The following FANCC variants were observed in gnomAD, a reference collection of about 807,000 sequenced individuals.
The protein encoded by FANCC is Fanconi anemia group C protein.
A neutral mutation model predicts 71.3 loss-of-function variants in FANCC; 55 were observed. The observed-to-expected ratio is 0.77, with a 90% CI of 0.62 to 0.97. FANCC has a LOEUF of 0.97. FANCC is among the 50% of genes least tolerant of loss of function. The probability of loss-of-function intolerance (pLI) is 0.00; values close to 1 mark genes in which losing one functional copy is unlikely to be tolerated. For missense variants in FANCC, 678 were observed against 670.9 expected, an observed-to-expected ratio of 1.01 and a Z score of -0.12; for synonymous variants, 275 against 244.9, an observed-to-expected ratio of 1.12 and a Z score of -1.15.
At chr9:95,292,532 G>C in intron 1 of FANCC, 1 of 1,492,970 alleles carries the variant, frequency 6.7e-7, no homozygotes, top group African/African-American at 1.4e-5. Context: ...TGCTGGCGGG[G>C]GAGCTGATCC....
chr9:95,235,478 G>C (rs1440198911), intron 4 of FANCC, among the ~76,000 whole-genome samples: 1 of 152,180 alleles, frequency 6.6e-6, no homozygotes, highest in Non-Finnish European at 1.5e-5. Flanking sequence ...CATAGGAAAA[G>C]GAAACCAACA....
At chr9:95,311,780 C>T (rs889133915) in intron 1 of FANCC, among the ~76,000 whole-genome samples, 2 of 151,492 alleles carry the variant, frequency 1.3e-5, no homozygotes, top group Admixed American at 6.6e-5. Flanking sequence ...TATGGGTAGT[C>T]ACCAGAGTAA....
intron 4 of FANCC, among the ~76,000 whole-genome samples, chr9:95,230,227 G>A (rs989681888): frequency 2.6e-5 from 4 of 152,182 alleles, no homozygotes; most frequent in Non-Finnish European, 5.9e-5. Context: ...GAGGAGCCAG[G>A]GTTCCGTGCG....
intron 6 of FANCC, 43 bp from the exon 7 acceptor site, chr9:95,150,130 T>C (rs1436330161): frequency 5.0e-6 from 8 of 1,608,206 alleles, no homozygotes; most frequent in Non-Finnish European, 5.1e-6. Flanking sequence ...CTAAGAGCCA[T>C]GCATAATTAA....
chr9:95,224,941 C>T (rs985359264), intron 4 of FANCC, among the ~76,000 whole-genome samples: 1 of 152,140 alleles, frequency 6.6e-6, no homozygotes, highest in Non-Finnish European at 1.5e-5. Flanking sequence ...TTTAAAAGAC[C>T]TGGAAATCAT....
rs1339834569 is a variant in FANCC at position 95,159,079 on chromosome 9, A to G, written c.522-8992T>C. 1.3e-5 allele frequency among the ~76,000 whole-genome samples: 2 copies of G among 152,050 alleles called. 1 individual carries two copies. The highest frequency in any genetic ancestry group is 2.9e-5 in the Non-Finnish European group (2 of 68,000). On this transcript the variant is annotated intron_variant, in intron 6 of 14. Transcript: ENST00000289081. ...TCAAGTTCTAGGGTACACATGCACA[A>G]CGTGCAGGTTTGTTACATAGGTATA...
At chr9:95,199,596 C>T (rs1033537458) in intron 4 of FANCC, among the ~76,000 whole-genome samples, 10 of 152,208 alleles carry the variant, frequency 6.6e-5, no homozygotes, top group Non-Finnish European at 1.3e-4. Context: ...CATCTGAGCA[C>T]CACTGTGTGC....
intron 4 of FANCC, among the ~76,000 whole-genome samples, chr9:95,178,345 T>C (rs773867457): frequency 3.3e-5 from 5 of 152,162 alleles, no homozygotes; most frequent in Non-Finnish European, 7.3e-5. Flanking sequence ...CCCTCAGAAC[T>C]GTCTTGATGA....
At chr9:95,217,476 C>A (rs1828945719) in intron 4 of FANCC, among the ~76,000 whole-genome samples, 2 of 149,532 alleles carry the variant, frequency 1.3e-5, no homozygotes, top group African/African-American at 2.5e-5. Context: ...GGTGAGACTC[C>A]ATCTCAAAAA....
intron 1 of FANCC, chr9:95,294,900 G>A: frequency 2.5e-6 from 3 of 1,188,106 alleles, no homozygotes; most frequent in Non-Finnish European, 2.3e-6. Context: ...TAATTCGATT[G>A]AATGTGGCTG....
chr9:95,129,950 T>C (rs967044107), intron 8 of FANCC, among the ~76,000 whole-genome samples: 1 of 152,150 alleles, frequency 6.6e-6, no homozygotes, highest in South Asian at 2.1e-4. Flanking sequence ...CAGAATTGCA[T>C]TGTTTATCTC....
chr9:95,180,541 G>A lies in FANCC; in HGVS notation c.346-8394C>T, dbSNP rs1016280850. Among the ~76,000 whole-genome samples, 25 of 151,662 alleles carry A rather than the reference G, an allele frequency of 1.6e-4. 1 individual carries two copies. The highest frequency in any genetic ancestry group is 5.8e-4 in the African/African-American group (24 of 41,368). ...TTTTTGTAGAGGTAGGTCTCAGTAT[G>A]TCACTCAGGCTGGTCTCAAACTCCT... On this transcript the variant is annotated intron_variant, in intron 4 of 14. Coordinates refer to ENST00000289081, the MANE Select transcript of FANCC (RefSeq NM_000136.3).
At chr9:95,126,308 A>C (rs1457164106) in intron 9 of FANCC, among the ~76,000 whole-genome samples, 1 of 152,252 alleles carries the variant, frequency 6.6e-6, no homozygotes, top group Non-Finnish European at 1.5e-5. Flanking sequence ...AAAAGGCTAA[A>C]GAAAATAAAG....
At chr9:95,236,106 T>C (rs1194719850) in intron 4 of FANCC, among the ~76,000 whole-genome samples, 1 of 152,172 alleles carries the variant, frequency 6.6e-6, no homozygotes, top group East Asian at 1.9e-4. Context: ...AAAATACAGA[T>C]AGAATACAAC....
Position 95,100,423 on chromosome 9 carries a change from C to G in FANCC, c.*1284G>C, listed in dbSNP as rs1043755172. The G allele has an allele frequency of 4.3e-6, 1 of 231,066 alleles. No individual in the cohort carries two copies. The highest frequency in any genetic ancestry group is 2.2e-5 in the African/African-American group (1 of 45,234). The allele number at this position is 231,066 out of a possible 1,614,324, so 14.3% of individuals were successfully genotyped here. On this transcript the variant is annotated 3_prime_UTR_variant, in exon 15 of 15. Coordinates refer to ENST00000289081, the MANE Select transcript of FANCC (RefSeq NM_000136.3). ...AAGGAATTTCCCTAAAGGTTAACTT[C>G]TAATCCAGCAAAACTTTGCTCATAC...
rs1834087717 is a variant in FANCC, at chr9:95,292,390, G to C, written c.-79+25136C>G. 6.8e-6 allele frequency: 7 copies of C among 1,036,434 alleles called. No homozygotes were observed. The South Asian group carries it at 2.3e-4, about 33-fold the overall frequency. The allele number at this position is 1,036,434 out of a possible 1,614,324, so 64.2% of individuals were successfully genotyped here. On this transcript the variant is annotated intron_variant, in intron 1 of 14. Coordinates refer to ENST00000289081, the MANE Select transcript of FANCC (RefSeq NM_000136.3). ...GCGGGGTCCACGGCTCTGGCGGCGG[G>C]TGCCCGCGCCGTCCCGGCGGCCACG...
chr9:95,102,240 A>C (rs959408810), intron 14 of FANCC, among the ~76,000 whole-genome samples: 10 of 152,202 alleles, frequency 6.6e-5, no homozygotes, highest in Admixed American at 6.5e-4. Flanking sequence ...CTTTCTGCAA[A>C]AGGCTCACAC....
chr9:95,303,442 T>C (rs916957334), intron 1 of FANCC, among the ~76,000 whole-genome samples: 3 of 152,246 alleles, frequency 2.0e-5, no homozygotes, highest in African/African-American at 4.8e-5. Flanking sequence ...TTTATGAAGC[T>C]GAGGTCCTAG....
intron 1 of FANCC, among the ~76,000 whole-genome samples, chr9:95,303,859 T>C (rs1260540032): frequency 6.6e-6 from 1 of 152,152 alleles, no homozygotes; most frequent in Non-Finnish European, 1.5e-5. Flanking sequence ...CTTCCTTAAT[T>C]AGCTTTCTTG....
Sources: gnomAD v4.1 joint callset for allele counts (sites outside exome capture counted in the v4.1 genomes callset) on GRCh38, gnomAD v4.1.1 for gene constraint, MANE v1.5 for transcripts, NCBI Gene and HGNC (gene_info 2026-07-23, HGNC 2026-07-21) for gene names.